The following SNX31 variants were observed in gnomAD, a reference collection of about 807,000 sequenced individuals.
The protein encoded by SNX31 is sorting nexin 31, also known as sorting nexin-31.
A neutral mutation model predicts 65.4 loss-of-function variants in SNX31; 58 were observed. That is an observed-to-expected ratio of 0.89 (90% CI 0.72 to 1.10). The LOEUF (loss-of-function observed/expected upper bound fraction) is 1.10. SNX31 is among the 50% of genes least tolerant of loss of function. The pLI, the probability that SNX31 is intolerant of heterozygous loss-of-function variation, is 0.00. For synonymous variants in SNX31, 181 were observed against 190.1 expected, an observed-to-expected ratio of 0.95 and a Z score of 0.39; for missense variants, 523 against 529.7, an observed-to-expected ratio of 0.99 and a Z score of 0.12.
rs1414148243 is a variant in SNX31 at position 100,613,656 on chromosome 8, G to T, written c.433-571C>A. On this transcript the variant is annotated intron_variant, in intron 5 of 13. Coordinates refer to ENST00000311812, the MANE Select transcript of SNX31 (RefSeq NM_152628.4). The surrounding 1 kb of genome is among the most constrained non-coding windows in gnomAD (Gnocchi z 5.2). ...TGTTTGCAAAATGAAAACCTCAGATGCCAGGCACAGGTTGCCTTCCTTCAC... is the reference window on the plus strand; with the variant it reads ...TGTTTGCAAAATGAAAACCTCAGATTCCAGGCACAGGTTGCCTTCCTTCAC... Among the ~76,000 whole-genome samples the T allele has an allele frequency of 1.3e-5, 2 of 152,206 alleles. No homozygotes were observed. The highest frequency in any genetic ancestry group is 2.4e-5 in the African/African-American group (1 of 41,456).
intron 3 of SNX31, among the ~76,000 whole-genome samples, chr8:100,633,706 A>G (rs1477825588): frequency 6.6e-6 from 1 of 152,158 alleles, no homozygotes; most frequent in African/African-American, 2.4e-5. Flanking sequence ...TGAGGTGTGT[A>G]AGATTCAAGT....
At chr8:100,647,592 A>G (rs1308249696) in intron 2 of SNX31, among the ~76,000 whole-genome samples, 1 of 152,230 alleles carries the variant, frequency 6.6e-6, no homozygotes, top group Admixed American at 6.5e-5. Context: ...CTCTGCAAGC[A>G]GCTGGCCCCT....
At chr8:100,643,964 TGGA>T (rs1158002443) in intron 2 of SNX31, among the ~76,000 whole-genome samples, 3 of 152,108 alleles carry the variant, frequency 2.0e-5, no homozygotes, top group African/African-American at 7.2e-5. Context: ...GAGGACTTCC[TGGA>T]GGAGATGGGA....
At position 100,578,684 on chromosome 8, in the gene SNX31, TTTTTATTTTA is replaced by T. The variant is rs138548509; in HGVS notation, c.1171-1619_1171-1610del. ...ACATATTTAAGCCTATTTCAATGAT[TTTTTATTTTA>T]TTTTATTTTATTTTATTTTATTTTA... On this transcript the variant is annotated intron_variant, in intron 12 of 13. Transcript: ENST00000311812. This position sits in a 1 kb window ranked among gnomAD's most constrained non-coding sequence, Gnocchi z 4.7. Among the ~76,000 whole-genome samples, 1,941 of 145,450 alleles carry T rather than the reference TTTTTATTTTA, an allele frequency of 0.013. 43 individuals carry two copies. The highest frequency in any genetic ancestry group is 0.041 in the African/African-American group (1,586 of 38,782).
chr8:100,618,636 C>T (rs1817443614), intron 4 of SNX31: 6 of 503,692 alleles, frequency 1.2e-5, no homozygotes, highest in South Asian at 1.1e-4. Context: ...TTTCCATGAC[C>T]CCCTCTCAGG....
chr8:100,641,012 T>C (rs1386878343), intron 2 of SNX31, among the ~76,000 whole-genome samples: 1 of 152,128 alleles, frequency 6.6e-6, no homozygotes, highest in Non-Finnish European at 1.5e-5. Context: ...ATATAAAACC[T>C]TAATAATAGA....
At position 100,576,581 on chromosome 8, in the gene SNX31, T is replaced by C. The variant is rs1477641588; in HGVS notation, c.1227+438A>G. Among the ~76,000 whole-genome samples the C allele has an allele frequency of 1.3e-5, 2 of 152,176 alleles. No homozygotes were observed. Among genetic ancestry groups the C allele is most frequent in the African/African-American group, 4.8e-5 (2 of 41,440 alleles). On this transcript the variant is annotated intron_variant, in intron 13 of 13. Transcript: ENST00000311812. The surrounding 1 kb of genome is among the most constrained non-coding windows in gnomAD (Gnocchi z 4.8). ...CAATAATGAGTGCTCAAAAATGTCATTGATTGTGATTTTTTCTATTATTAT... is the reference window on the plus strand; with the variant it reads ...CAATAATGAGTGCTCAAAAATGTCACTGATTGTGATTTTTTCTATTATTAT...
chr8:100,646,607 A>G (rs957877261), intron 2 of SNX31, among the ~76,000 whole-genome samples: 1 of 152,180 alleles, frequency 6.6e-6, no homozygotes. Context: ...ATCTTGAAAT[A>G]TGTCATAGTA....
At chr8:100,581,329 C>CTATATATATATATATATATA (rs1491502174) in intron 12 of SNX31, among the ~76,000 whole-genome samples, 1 of 80,170 alleles carries the variant, frequency 1.2e-5, no homozygotes, top group Non-Finnish European at 2.8e-5. Flanking sequence ...CTATATCTAT[C>CTATATATATATATATATATA]TATCTATCTA....
intron 4 of SNX31, among the ~76,000 whole-genome samples, chr8:100,623,140 G>T (rs1368181293): frequency 6.6e-6 from 1 of 152,208 alleles, no homozygotes; most frequent in Non-Finnish European, 1.5e-5. Context: ...CTCAGCTTCT[G>T]GGAAGGCCTC....
rs1034149988 is a variant in SNX31, at chr8:100,660,362, C to T, written c.-58+2780G>A. Among the ~76,000 whole-genome samples the T allele has an allele frequency of 2.6e-5, 4 of 152,192 alleles. No homozygotes were observed. The highest frequency in any genetic ancestry group is 4.4e-5 in the Non-Finnish European group (3 of 68,040). On this transcript the variant is annotated intron_variant, in intron 1 of 5. Transcript: ENST00000520352. The surrounding 1 kb of genome is among the most constrained non-coding windows in gnomAD (Gnocchi z 4.1). ...CAGGGCCAGAAATTGAATCCAGGCT[C>T]TCTAAGCCTAAACTCTTTGCAGCAA...
chr8:100,625,196 G>C lies in SNX31; in HGVS notation c.321+5131C>G, dbSNP rs1045516021. 2.6e-5 allele frequency among the ~76,000 whole-genome samples: 4 copies of C among 152,110 alleles called. No homozygotes were observed. Among genetic ancestry groups the C allele is most frequent in the African/African-American group, 9.7e-5 (4 of 41,414 alleles). ...CTAACAAAAATACATTCATTTTAAA[G>C]AAACCTCAAAATCCTCCAATACCAT... On this transcript the variant is annotated intron_variant, in intron 4 of 13. Coordinates refer to ENST00000311812, the MANE Select transcript of SNX31 (RefSeq NM_152628.4). This position sits in a 1 kb window ranked among gnomAD's most constrained non-coding sequence, Gnocchi z 4.2.
At position 100,649,484 on chromosome 8, in the gene SNX31, G is replaced by A. The variant is rs1326783167; in HGVS notation, c.31C>T (p.Gln11Ter). 2 of 1,581,150 alleles carry A rather than the reference G, an allele frequency of 1.3e-6. No individual in the cohort carries two copies. The highest frequency in any genetic ancestry group is 1.3e-5 in the African/African-American group (1 of 74,482). The part of the protein sequence containing the change: MKMHFCIPVS[Q>*]QRSDALGGRY... ...CCCCCCAGCGCGTCGGACCGCTGCT[G>A]GGACACCGGGATACAGAAATGCATC... is the stretch of plus-strand genomic sequence containing the variant. The change falls in exon 1 of 14, where the codon CAG becomes TAG. Residue 11 changes from glutamine to a stop codon, truncating the protein, a stop_gained. Transcript: ENST00000311812. LOFTEE classifies it high-confidence loss of function.
intron 8 of SNX31, among the ~76,000 whole-genome samples, chr8:100,602,205 A>G (rs1286341939): frequency 1.3e-5 from 2 of 152,242 alleles, no homozygotes; most frequent in African/African-American, 2.4e-5. Flanking sequence ...TAGTCTGAAC[A>G]TAAGCCTATC....
Position 100,646,941 on chromosome 8 carries a change from T to C in SNX31, c.141+2333A>G, listed in dbSNP as rs189466411. Among the ~76,000 whole-genome samples, 335 of 152,320 alleles carry C rather than the reference T, an allele frequency of 2.2e-3. 4 individuals are homozygous for C. The highest frequency in any genetic ancestry group is 9.0e-4 in the Non-Finnish European group (61 of 68,024). ...CAAGTCCTGCCTCCAACATTAACAA[T>C]ATGACTTTAGGAAAATTGTGCCTCA... On this transcript the variant is annotated intron_variant, in intron 2 of 13. Coordinates refer to ENST00000311812, the MANE Select transcript of SNX31 (RefSeq NM_152628.4).
chr8:100,619,104 G>A (rs1817493954), intron 4 of SNX31: 1 of 152,056 alleles, frequency 6.6e-6, no homozygotes, highest in South Asian at 2.1e-4. Context: ...ATACTATCTC[G>A]GAGTCCCCCA....
upstream of SNX31, among the ~76,000 whole-genome samples, chr8:100,650,532 G>C (rs1054061596): frequency 2.0e-5 from 3 of 152,192 alleles, no homozygotes; most frequent in African/African-American, 7.2e-5. Context: ...TCATCCCTGG[G>C]GTAAGAGCTG....
At chr8:100,591,047 A>G (rs903554000) in intron 10 of SNX31, among the ~76,000 whole-genome samples, 4 of 152,224 alleles carry the variant, frequency 2.6e-5, no homozygotes, top group Non-Finnish European at 5.9e-5. Context: ...TTTGTGGTGC[A>G]GAATATCAAA....
In SNX31 at chr8:100,660,120, T is replaced by A. The variant is rs538880811; in HGVS notation, c.-58+3022A>T. 1.5e-4 allele frequency among the ~76,000 whole-genome samples: 23 copies of A among 152,354 alleles called. No individual in the cohort carries two copies. The highest frequency in any genetic ancestry group is 5.5e-4 in the African/African-American group (23 of 41,594). On this transcript the variant is annotated intron_variant, in intron 1 of 5. Coordinates refer to the SNX31 transcript ENST00000520352. This position sits in a 1 kb window ranked among gnomAD's most constrained non-coding sequence, Gnocchi z 4.1. ...GCCAGTGAAATGATTTTGCTCAAATTATATATCAGTTATTATGATTATTAG... is the reference window on the plus strand; with the variant it reads ...GCCAGTGAAATGATTTTGCTCAAATAATATATCAGTTATTATGATTATTAG...
Sources: gnomAD v4.1 joint callset for allele counts (sites outside exome capture counted in the v4.1 genomes callset) on GRCh38, gnomAD v4.1.1 for gene constraint, Gnocchi (gnomAD v3.1) non-coding constraint, MANE v1.5 for transcripts, NCBI Gene and HGNC (gene_info 2026-07-23, HGNC 2026-07-21) for gene names.